PSKH1: variants seen among roughly 807,000 people sequenced by gnomAD.
PSKH1 encodes the protein protein serine kinase H1.
In PSKH1, 12 loss-of-function variants were observed where a neutral mutation model predicts 26.7. The observed-to-expected ratio is 0.45, with a 90% CI of 0.29 to 0.73. PSKH1 has a LOEUF of 0.73. Among genes scored for constraint, PSKH1 ranks in the 30% least tolerant of loss-of-function variants. The pLI is 0.11. For synonymous variants in PSKH1, 213 were observed against 234.3 expected (o/e 0.91, Z 0.83); for missense variants, 431 against 595.2 (o/e 0.72, Z 2.87).
chr16:67,904,821 ATTTTTTTTT>A lies in PSKH1; in HGVS notation c.-70-3844_-70-3836del, dbSNP rs942779122. On this transcript the variant is annotated intron_variant, in intron 1 of 2. Coordinates refer to ENST00000291041, the MANE Select transcript of PSKH1 (RefSeq NM_006742.3). The stretch of plus-strand genomic sequence containing the variant: ...CCACACTCTTACTGGTCCTTTTTTA[ATTTTTTTTT>A]TTTTTTTTTTTTTTGAGACAAAGTC... 8.0e-4 allele frequency among the ~76,000 whole-genome samples: 93 copies of A among 115,944 alleles called. 1 individual carries two copies. Among genetic ancestry groups the A allele is most frequent in the Non-Finnish European group, 2.9e-4 (16 of 54,948 alleles). The allele number at this position is 115,944 out of a possible 152,430, so 76.1% of individuals were successfully genotyped here.
At chr16:67,903,952 C>T (rs1304021959) in intron 1 of PSKH1, among the ~76,000 whole-genome samples, 7 of 149,110 alleles carry the variant, frequency 4.7e-5, no homozygotes, top group Non-Finnish European at 7.4e-5. Context: ...TGGGCTCAAG[C>T]AGTCCTCCTG....
chr16:67,920,047 C>G (rs928775462), intron 2 of PSKH1, among the ~76,000 whole-genome samples: 2 of 152,202 alleles, frequency 1.3e-5, no homozygotes, highest in African/African-American at 2.4e-5. Context: ...ACCTCCAGCC[C>G]TTGAGGCCTG....
intron 2 of PSKH1, among the ~76,000 whole-genome samples, chr16:67,922,856 C>G (rs548383483): frequency 3.3e-5 from 5 of 152,314 alleles, no homozygotes; most frequent in South Asian, 4.1e-4. Context: ...CCCTGCCTGC[C>G]AGAGGAAGTC....
Position 67,908,832 on chromosome 16 carries a change from G to A in PSKH1, c.83G>A (p.Ser28Asn). ...LDLVKKVEPFSGTKSDVYKHF... is the reference protein window; with the variant it reads ...LDLVKKVEPFNGTKSDVYKHF... The stretch of plus-strand genomic sequence containing the variant: ...CTGGTCAAGAAGGTGGAGCCCTTCA[G>A]TGGCACTAAGAGTGACGTGTACAAG... Residue 28 changes from serine to asparagine, a missense_variant, in exon 2 of 3, where the codon AGT becomes AAT. Transcript: ENST00000291041. 1.9e-6 allele frequency: 3 copies of A among 1,614,098 alleles called. No homozygotes were observed. The highest frequency in any genetic ancestry group is 2.5e-6 in the Non-Finnish European group (3 of 1,179,966).
chr16:67,906,090 T>A (rs967605689), intron 1 of PSKH1, among the ~76,000 whole-genome samples: 1 of 152,196 alleles, frequency 6.6e-6, no homozygotes, highest in Admixed American at 6.5e-5. Flanking sequence ...TTTTTCTTTT[T>A]GAGACAGAGT....
intron 2 of PSKH1, among the ~76,000 whole-genome samples, chr16:67,922,300 T>G (rs911354647): frequency 1.3e-5 from 2 of 152,204 alleles, no homozygotes; most frequent in African/African-American, 4.8e-5. Context: ...TTTCCAGAAT[T>G]TCCTCTGTGC....
chr16:67,920,983 T>TA (rs72275134), intron 2 of PSKH1, among the ~76,000 whole-genome samples: 239 of 139,084 alleles, frequency 1.7e-3, no homozygotes, highest in South Asian at 4.1e-3. Flanking sequence ...GGGAGGAAGT[T>TA]AAAAAAAAAA....
intron 1 of PSKH1, among the ~76,000 whole-genome samples, chr16:67,898,206 T>G (rs887209267): frequency 2.6e-5 from 4 of 152,052 alleles, no homozygotes; most frequent in African/African-American, 9.7e-5. Context: ...GGCAGATCAC[T>G]TGGGCTCAAG....
intron 1 of PSKH1, among the ~76,000 whole-genome samples, chr16:67,896,114 T>C (rs2058125737): frequency 6.6e-6 from 1 of 150,456 alleles, no homozygotes; most frequent in Non-Finnish European, 1.5e-5. Flanking sequence ...CTTTTTTCTT[T>C]TCTTTTTTTT....
intron 2 of PSKH1, among the ~76,000 whole-genome samples, chr16:67,912,525 T>C (rs2058176071): frequency 1.3e-5 from 2 of 152,228 alleles, no homozygotes; most frequent in African/African-American, 2.4e-5. Context: ...TTCTCAGATA[T>C]GGATTGGCCA....
chr16:67,914,299 G>A (rs1008680430), intron 2 of PSKH1, among the ~76,000 whole-genome samples: 37 of 151,888 alleles, frequency 2.4e-4, no homozygotes, highest in African/African-American at 7.3e-4. Flanking sequence ...ACAGGCATGC[G>A]CCACCATGCC....
At chr16:67,898,687 G>T (rs1437097558) in intron 1 of PSKH1, among the ~76,000 whole-genome samples, 5 of 149,142 alleles carry the variant, frequency 3.4e-5, no homozygotes, top group African/African-American at 1.2e-4. Flanking sequence ...GCAGTGGCGC[G>T]ATCTCAGCTC....
At chr16:67,919,407 C>A (rs1567401385) in intron 2 of PSKH1, among the ~76,000 whole-genome samples, 1 of 152,216 alleles carries the variant, frequency 6.6e-6, no homozygotes, top group Non-Finnish European at 1.5e-5. Context: ...TGCTATGAGG[C>A]ATCTGTCCCT....
intron 2 of PSKH1, among the ~76,000 whole-genome samples, chr16:67,913,295 C>T (rs1302038473): frequency 1.3e-5 from 2 of 151,952 alleles, no homozygotes; most frequent in African/African-American, 2.4e-5. Context: ...TACAGGCATG[C>T]GCCACCACGC....
chr16:67,901,893 C>T (rs2058143089), intron 1 of PSKH1, among the ~76,000 whole-genome samples: 2 of 152,108 alleles, frequency 1.3e-5, no homozygotes, highest in Admixed American at 6.5e-5. Flanking sequence ...TCCCAGAGTG[C>T]TAGGATCACA....
chr16:67,895,366 A>C (rs1304287337), intron 1 of PSKH1, among the ~76,000 whole-genome samples: 1 of 147,974 alleles, frequency 6.8e-6, no homozygotes, highest in Non-Finnish European at 1.5e-5. Flanking sequence ...CACCTGACCC[A>C]CTCTTTGAGA....
intron 2 of PSKH1, among the ~76,000 whole-genome samples, chr16:67,923,698 A>G (rs2058209133): frequency 6.6e-6 from 1 of 152,244 alleles, no homozygotes. Flanking sequence ...CTGTCAGCCA[A>G]CTGAGGCCAT....
Position 67,929,665 on chromosome 16 carries a change from C to T in PSKH1, c.*2023C>T, listed in dbSNP as rs1387031724. 4.0e-6 allele frequency: 2 copies of T among 497,074 alleles called. No individual in the cohort carries two copies. Among genetic ancestry groups the T allele is most frequent in the Non-Finnish European group, 7.3e-6 (2 of 275,732 alleles). 30.8% of individuals were successfully genotyped at this position (497,074 alleles called of 1,614,324 possible). On this transcript the variant is annotated 3_prime_UTR_variant, in exon 3 of 3. Transcript: ENST00000291041. ...AGGCTGCCTCTCCAGGGAGGGCTGC[C>T]ATTCATTCCAACAGTTCTGGCTTCT... is the stretch of plus-strand genomic sequence containing the variant.
At chr16:67,906,136 C>T (rs937217554) in intron 1 of PSKH1, among the ~76,000 whole-genome samples, 31 of 152,120 alleles carry the variant, frequency 2.0e-4, no homozygotes, top group African/African-American at 6.7e-4. Context: ...TGCAATCACG[C>T]GATCTCGGCT....
Sources: allele counts gnomAD v4.1 joint callset (sites outside exome capture counted in the v4.1 genomes callset), GRCh38; gene constraint gnomAD v4.1.1; transcripts MANE v1.5; gene names NCBI Gene and HGNC (gene_info 2026-07-23, HGNC 2026-07-21).